MTMR10: variants seen among roughly 807,000 people sequenced by gnomAD.
The protein encoded by MTMR10 is myotubularin related protein 10.
A neutral mutation model predicts 88.1 loss-of-function variants in MTMR10; 56 were observed. That is an observed-to-expected ratio of 0.64 (90% confidence interval 0.51 to 0.79). The LOEUF (loss-of-function observed/expected upper bound fraction) is 0.79. MTMR10 is among the 30% of genes least tolerant of loss of function. The pLI, the probability that MTMR10 is intolerant of heterozygous loss-of-function variation, is 0.00. For synonymous variants in MTMR10, 380 were observed against 340.9 expected, an observed-to-expected ratio of 1.11 and a Z score of -1.26; for missense variants, 883 against 924.7, an observed-to-expected ratio of 0.95 and a Z score of 0.58.
chr15:30,969,302 C>T (rs980409216), intron 5 of MTMR10, among the ~76,000 whole-genome samples: 3 of 152,054 alleles, frequency 2.0e-5, no homozygotes, highest in East Asian at 1.9e-4. Context: ...CGTGGTATCT[C>T]GATTTCTCAA....
At chr15:30,929,944 A>T in the MTMR10 span, among the ~76,000 whole-genome samples, 11 of 107,788 alleles carry the variant, frequency 1.0e-4, no homozygotes, top group African/African-American at 5.4e-4. Context: ...TAAAATATAT[A>T]ATATAATATA....
In MTMR10 at chr15:30,958,900, T is replaced by C; in HGVS notation, c.898A>G (p.Ile300Val). The C allele has an allele frequency of 1.9e-6, 3 of 1,613,956 alleles. No individual in the cohort carries two copies. The highest frequency in any genetic ancestry group is 2.5e-6 in the Non-Finnish European group (3 of 1,179,848). Residue 300 changes from isoleucine to valine, a missense_variant, in exon 9 of 16, where the codon ATC becomes GTC. This residue lies in a region of MTMR10 where 414 missense variants were observed against 423.2 expected (regional missense o/e 0.98). Coordinates refer to ENST00000435680, the MANE Select transcript of MTMR10 (RefSeq NM_017762.3). ...TTCCTCTGCTGCAGCACGTCTTTGA[T>C]GAGGGCCATTCGCACAAGAGCACTG... Reference protein sequence around the residue: ...NGSALVRMALIKDVLQQRKID... With the variant: ...NGSALVRMALVKDVLQQRKID...
intron 5 of MTMR10, among the ~76,000 whole-genome samples, chr15:30,969,572 T>C (rs1297091231): frequency 1.3e-5 from 2 of 152,170 alleles, no homozygotes; most frequent in Admixed American, 1.3e-4. Flanking sequence ...TAGGCCATAC[T>C]CACCTTATGG....
chr15:30,970,103 G>C (rs985713295), intron 5 of MTMR10, among the ~76,000 whole-genome samples: 2 of 152,082 alleles, frequency 1.3e-5, no homozygotes, highest in African/African-American at 4.8e-5. Flanking sequence ...TAGGATATAG[G>C]TGGTTCTGTT....
chr15:30,990,392 T>C (rs745821389), intron 2 of MTMR10, among the ~76,000 whole-genome samples: 21 of 152,282 alleles, frequency 1.4e-4, no homozygotes, highest in Non-Finnish European at 2.2e-4. Flanking sequence ...CAAAAAACAA[T>C]TGCCAAGCAA....
chr15:30,951,824 G>T, intron 12 of MTMR10, 144 bp downstream of exon 12: 1 of 706,454 alleles, frequency 1.4e-6, no homozygotes, highest in Non-Finnish European at 2.4e-6. Context: ...CTCAAATGAT[G>T]TGCAAAATCT....
At chr15:30,955,146 C>T (rs2063304525) in intron 9 of MTMR10, among the ~76,000 whole-genome samples, 1 of 152,068 alleles carries the variant, frequency 6.6e-6, no homozygotes. Context: ...AAGGAGAAGA[C>T]AGGTAAACTT....
the MTMR10 span, among the ~76,000 whole-genome samples, chr15:30,923,032 C>T: frequency 6.6e-6 from 1 of 152,214 alleles, no homozygotes; most frequent in African/African-American, 2.4e-5. Flanking sequence ...TGTCTCTATT[C>T]CAGCCCTGCA....
At chr15:30,925,221 C>A in the MTMR10 span, 1 of 1,614,072 alleles carries the variant, frequency 6.2e-7, no homozygotes, top group Non-Finnish European at 8.5e-7. Context: ...CTGCGAGAGT[C>A]TCCGAGCTGT....
chr15:30,955,651 G>C (rs775795017), intron 9 of MTMR10, among the ~76,000 whole-genome samples: 1 of 152,102 alleles, frequency 6.6e-6, no homozygotes, highest in African/African-American at 2.4e-5. Context: ...TGCCAAGGGG[G>C]GGGCGGGGCA....
At chr15:30,927,305 C>T in the MTMR10 span, 2 of 985,482 alleles carry the variant, frequency 2.0e-6, no homozygotes, top group South Asian at 9.4e-5. Context: ...GACTGGAAAT[C>T]AGGTCCTAGC....
intron 6 of MTMR10, among the ~76,000 whole-genome samples, chr15:30,964,902 G>A (rs1480293260): frequency 2.0e-5 from 3 of 152,120 alleles, no homozygotes; most frequent in African/African-American, 7.2e-5. Flanking sequence ...ATCTAGAATG[G>A]CTTCAAGCAA....
At chr15:30,971,852 C>CT (rs1210405026) in intron 5 of MTMR10, among the ~76,000 whole-genome samples, 4 of 152,142 alleles carry the variant, frequency 2.6e-5, no homozygotes, top group Non-Finnish European at 5.9e-5. Context: ...CCAAATATCA[C>CT]TATTTTCCTG....
At chr15:30,929,429 C>T in the MTMR10 span, 13 of 1,560,826 alleles carry the variant, frequency 8.3e-6, no homozygotes, top group East Asian at 2.3e-5. Context: ...AGGATTTGCT[C>T]AGAAAGTTAA....
At chr15:30,947,986 G>C (rs2063195110) in intron 13 of MTMR10, among the ~76,000 whole-genome samples, 1 of 152,148 alleles carries the variant, frequency 6.6e-6, no homozygotes, top group Non-Finnish European at 1.5e-5. Flanking sequence ...AAGAAAATAT[G>C]ATATTCCAAA....
intron 13 of MTMR10, 61 bp downstream of exon 13, chr15:30,948,241 G>A (rs536663001): frequency 6.8e-7 from 1 of 1,463,526 alleles, no homozygotes; most frequent in South Asian, 1.3e-5. Context: ...ATCTTTTAAT[G>A]ACACAAATTT....
At chr15:30,927,527 C>T in the MTMR10 span, 119 of 985,744 alleles carry the variant, frequency 1.2e-4, no homozygotes, top group South Asian at 4.7e-4. Context: ...GCAGGCATGA[C>T]GGGCTGTGGC....
chr15:30,957,299 A>G (rs2063340695), intron 9 of MTMR10, among the ~76,000 whole-genome samples: 3 of 152,246 alleles, frequency 2.0e-5, no homozygotes, highest in African/African-American at 7.2e-5. Flanking sequence ...TAACACACAC[A>G]TATATAATTA....
At chr15:30,922,162 A>T in the MTMR10 span, 3 of 1,550,990 alleles carry the variant, frequency 1.9e-6, no homozygotes, top group Admixed American at 2.0e-5. Flanking sequence ...TACCAATCCT[A>T]TGGGCTTGTA....
Sources: allele counts gnomAD v4.1 joint callset (sites outside exome capture counted in the v4.1 genomes callset), GRCh38; gene constraint gnomAD v4.1.1; regional missense constraint gnomAD v4.1.1; transcripts MANE v1.5; gene names NCBI Gene and HGNC (gene_info 2026-07-23, HGNC 2026-07-21).